RCHY1: variants seen among roughly 807,000 people sequenced by gnomAD.
RCHY1 encodes RING finger and CHY zinc finger domain-containing protein 1.
A neutral mutation model predicts 41.6 loss-of-function variants in RCHY1; 21 were observed. That is an observed-to-expected ratio of 0.51 (90% CI 0.36 to 0.73). RCHY1 has a LOEUF of 0.73. RCHY1 is among the 30% of genes least tolerant of loss of function. The probability of loss-of-function intolerance (pLI) is 0.00; values close to 1 mark genes in which losing one functional copy is unlikely to be tolerated. For synonymous variants in RCHY1, 79 were observed against 102.9 expected (o/e 0.77, Z 1.41); for missense variants, 265 against 325.3 (o/e 0.81, Z 1.43).
chr4:75,503,087 T>C (rs1723941314), intron 3 of RCHY1, among the ~76,000 whole-genome samples: 1 of 152,202 alleles, frequency 6.6e-6, no homozygotes, highest in African/African-American at 2.4e-5. Context: ...TTGAACCAGA[T>C]AATACTTTGT....
chr4:75,506,640 G>GAA (rs564608513), intron 3 of RCHY1, among the ~76,000 whole-genome samples: 8 of 144,424 alleles, frequency 5.5e-5, no homozygotes, highest in African/African-American at 1.8e-4. Context: ...AGAAATACAG[G>GAA]AAAAAAAAAA....
chr4:75,513,207 A>G (rs1407155586), intron 1 of RCHY1, among the ~76,000 whole-genome samples: 1 of 152,196 alleles, frequency 6.6e-6, no homozygotes, highest in Non-Finnish European at 1.5e-5. Flanking sequence ...ATGCACGTAC[A>G]GGCCTGAGAC....
intron 8 of RCHY1, among the ~76,000 whole-genome samples, chr4:75,485,938 T>G (rs1721960354): frequency 6.6e-6 from 1 of 152,138 alleles, no homozygotes; most frequent in Admixed American, 6.6e-5. Flanking sequence ...AACACTTGCT[T>G]GATTTGACTG....
chr4:75,500,689 C>T (rs957088783), intron 3 of RCHY1, among the ~76,000 whole-genome samples: 6 of 152,084 alleles, frequency 3.9e-5, no homozygotes, highest in Non-Finnish European at 8.8e-5. Flanking sequence ...GCAATAGGGT[C>T]AAGAGTAGAA....
At chr4:75,489,922 G>C (rs1722597979) in intron 8 of RCHY1, among the ~76,000 whole-genome samples, 1 of 152,128 alleles carries the variant, frequency 6.6e-6, no homozygotes, top group Admixed American at 6.6e-5. Context: ...CCACACTCTT[G>C]GAAGTGGACA....
At chr4:75,510,979 T>G (rs780233974) in intron 1 of RCHY1, among the ~76,000 whole-genome samples, 26 of 152,158 alleles carry the variant, frequency 1.7e-4, no homozygotes, top group Non-Finnish European at 3.4e-4. Flanking sequence ...TTTTGGAGAA[T>G]TATGGATATC....
intron 3 of RCHY1, among the ~76,000 whole-genome samples, chr4:75,504,251 G>A (rs1266002399): frequency 8.0e-6 from 1 of 125,014 alleles, no homozygotes; most frequent in Non-Finnish European, 1.6e-5. Context: ...CATGACAACT[G>A]ACAAGTAAAT....
intron 1 of RCHY1, among the ~76,000 whole-genome samples, chr4:75,510,292 C>T (rs1473694879): frequency 1.3e-5 from 2 of 152,162 alleles, no homozygotes; most frequent in East Asian, 1.9e-4. Flanking sequence ...TCATCACCAA[C>T]CTGCATCACT....
chr4:75,511,880 G>A (rs1724915286), intron 1 of RCHY1, among the ~76,000 whole-genome samples: 1 of 151,474 alleles, frequency 6.6e-6, no homozygotes. Context: ...CCCCTGAAAG[G>A]ACTTCAGGAA....
intron 8 of RCHY1, 87 bp downstream of exon 8, chr4:75,490,494 T>A: frequency 1.4e-6 from 1 of 711,310 alleles, no homozygotes; most frequent in Non-Finnish European, 2.1e-6. Context: ...TATATATATA[T>A]TTTTTTTTTG....
intron 1 of RCHY1, among the ~76,000 whole-genome samples, chr4:75,512,029 C>T (rs535893852): frequency 6.6e-6 from 1 of 152,228 alleles, no homozygotes; most frequent in African/African-American, 2.4e-5. Flanking sequence ...CTTGCAACAC[C>T]CTAGTTCCCT....
intron 8 of RCHY1, among the ~76,000 whole-genome samples, chr4:75,485,366 G>C (rs1220239839): frequency 6.6e-6 from 1 of 152,126 alleles, no homozygotes; most frequent in Non-Finnish European, 1.5e-5. Context: ...GCATTCAACT[G>C]GCTATACTGA....
At chr4:75,514,558 T>G, upstream of RCHY1, 1 of 339,426 alleles carries the variant, frequency 2.9e-6, no homozygotes, top group Non-Finnish European at 5.4e-6. Context: ...CCCCAATCGC[T>G]ACCCGCCCAA....
chr4:75,482,669 G>T lies in RCHY1; in HGVS notation c.658-3C>A. On this transcript the variant is annotated splice_region_variant and splice_polypyrimidine_tract_variant and intron_variant, in intron 8 of 8. Coordinates refer to ENST00000324439, the MANE Select transcript of RCHY1 (RefSeq NM_015436.4). ...CCATTACAGTCATTGCAGAGAATCTGAAAAGAGATTAATTCAAATTAAGTA... is the reference window on the plus strand; with the variant it reads ...CCATTACAGTCATTGCAGAGAATCTTAAAAGAGATTAATTCAAATTAAGTA... The T allele has an allele frequency of 6.3e-7, 1 of 1,588,970 alleles. No homozygotes were observed. The highest frequency in any genetic ancestry group is 8.6e-7 in the Non-Finnish European group (1 of 1,164,952).
intron 8 of RCHY1, among the ~76,000 whole-genome samples, chr4:75,487,517 T>TATATATTCATA (rs1486409987): frequency 8.3e-6 from 1 of 120,672 alleles, no homozygotes. Context: ...ATTCATAATA[T>TATATATTCATA]ATATATTCAT....
chr4:75,514,082 G>C, intron 1 of RCHY1, 115 bp downstream of exon 1: 3 of 1,481,732 alleles, frequency 2.0e-6, no homozygotes, highest in Non-Finnish European at 2.7e-6. Context: ...GGTGGAAAAG[G>C]TATCCTGAAA....
At chr4:75,512,848 T>TG (rs764006534) in intron 1 of RCHY1, among the ~76,000 whole-genome samples, 3 of 136,062 alleles carry the variant, frequency 2.2e-5, no homozygotes, top group Non-Finnish European at 4.6e-5. Flanking sequence ...CAGCTGCATT[T>TG]GACCCAGCTG....
intron 8 of RCHY1, among the ~76,000 whole-genome samples, chr4:75,489,780 A>AC (rs1722585388): frequency 6.6e-6 from 1 of 152,212 alleles, no homozygotes. Flanking sequence ...GAACAATCAA[A>AC]CCCTTCACAA....
rs929423214 is a variant in RCHY1 at position 75,479,887 on chromosome 4, G to C, written c.*2651C>G. On this transcript the variant is annotated 3_prime_UTR_variant, in exon 9 of 9. Coordinates refer to ENST00000324439, the MANE Select transcript of RCHY1 (RefSeq NM_015436.4). ...GAATAGGAAAAGAATGAAGTTGTCTGTTAAAATGTTAACAGTAGTTCTCTC... is the reference window on the plus strand; with the variant it reads ...GAATAGGAAAAGAATGAAGTTGTCTCTTAAAATGTTAACAGTAGTTCTCTC... 6.6e-6 allele frequency: 1 copy of C among 152,148 alleles called. No homozygotes were observed. The highest frequency in any genetic ancestry group is 2.4e-5 in the African/African-American group (1 of 41,440). The allele number at this position is 152,148 out of a possible 1,614,324, so 9.4% of individuals were successfully genotyped here. A position where few individuals can be genotyped will look rare whatever the true frequency, so the allele number is the denominator to read the frequency against.
Sources: gnomAD v4.1 joint callset for allele counts (sites outside exome capture counted in the v4.1 genomes callset) on GRCh38, gnomAD v4.1.1 for gene constraint, MANE v1.5 for transcripts, NCBI Gene and HGNC (gene_info 2026-07-23, HGNC 2026-07-21) for gene names.